The following USH2A variants were observed in gnomAD, a reference collection of about 807,000 sequenced individuals.
The protein encoded by USH2A is usherin.
USH2A carries 443 observed loss-of-function variants against 538.9 expected under a neutral mutation model. The observed-to-expected ratio is 0.82, with a 90% confidence interval of 0.76 to 0.89. The LOEUF is 0.89. Among genes scored for constraint, USH2A ranks in the 40% least tolerant of loss-of-function variants. The probability of loss-of-function intolerance (pLI) is 0.00; values close to 1 mark genes in which losing one functional copy is unlikely to be tolerated. For synonymous variants in USH2A, 2,413 were observed against 2,273.5 expected, an observed-to-expected ratio of 1.06 and a Z score of -1.75; for missense variants, 6,633 against 6,324.8, an observed-to-expected ratio of 1.05 and a Z score of -1.65.
chr1:216,188,276 G>A (rs918212981), intron 20 of USH2A, among the ~76,000 whole-genome samples: 1 of 151,844 alleles, frequency 6.6e-6, no homozygotes, highest in Non-Finnish European at 1.5e-5. Flanking sequence ...ATTCTATTCT[G>A]TAGACATGTT....
chr1:216,229,875 G>A (rs1039270846), intron 14 of USH2A, among the ~76,000 whole-genome samples: 3 of 152,044 alleles, frequency 2.0e-5, no homozygotes, highest in African/African-American at 7.2e-5. Context: ...GGAACAGAAT[G>A]GGGTAAAAGG....
intron 21 of USH2A, among the ~76,000 whole-genome samples, chr1:216,137,750 G>C (rs2033514614): frequency 6.6e-6 from 1 of 152,048 alleles, no homozygotes; most frequent in Admixed American, 6.6e-5. Flanking sequence ...TCAGCCCACT[G>C]ACTCAAATAT....
At chr1:215,849,595 C>A (rs961809374) in intron 44 of USH2A, among the ~76,000 whole-genome samples, 1 of 152,170 alleles carries the variant, frequency 6.6e-6, no homozygotes, top group Non-Finnish European at 1.5e-5. Flanking sequence ...ATAAACCTTA[C>A]CCAAAATGAC....
At chr1:215,909,554 G>T (rs1323166172) in intron 38 of USH2A, among the ~76,000 whole-genome samples, 1 of 151,904 alleles carries the variant, frequency 6.6e-6, no homozygotes, top group African/African-American at 2.4e-5. Flanking sequence ...TGCACCTTCT[G>T]CCCGATGTTG....
At chr1:216,292,859 G>T (rs2037029347) in intron 9 of USH2A, among the ~76,000 whole-genome samples, 1 of 151,964 alleles carries the variant, frequency 6.6e-6, no homozygotes, top group Admixed American at 6.6e-5. Flanking sequence ...TAAATGTAAA[G>T]AAATAAACCA....
intron 58 of USH2A, among the ~76,000 whole-genome samples, chr1:215,748,550 C>T (rs912115133): frequency 9.2e-5 from 14 of 152,152 alleles, no homozygotes; most frequent in Non-Finnish European, 1.9e-4. Flanking sequence ...TTCAGACCTC[C>T]TGGGATTGCA....
intron 48 of USH2A, among the ~76,000 whole-genome samples, chr1:215,814,602 G>A (rs546566159): frequency 7.2e-5 from 11 of 151,988 alleles, no homozygotes; most frequent in Non-Finnish European, 1.3e-4. Flanking sequence ...GAGTGTGGCA[G>A]CTCTCCCCTT....
intron 21 of USH2A, among the ~76,000 whole-genome samples, chr1:216,123,575 T>C (rs2033178808): frequency 7.7e-6 from 1 of 129,922 alleles, no homozygotes; most frequent in Non-Finnish European, 1.7e-5. Context: ...CTCATAAGCT[T>C]TTCCCTTTTT....
chr1:216,385,815 T>G (rs768614085), intron 3 of USH2A, among the ~76,000 whole-genome samples: 3 of 152,196 alleles, frequency 2.0e-5, no homozygotes. Flanking sequence ...GACCAGTCAC[T>G]GTTTGCCATC....
chr1:215,951,853 ATTTTTTATT>A (rs1666925448), intron 37 of USH2A, among the ~76,000 whole-genome samples: 1 of 149,566 alleles, frequency 6.7e-6, no homozygotes, highest in Non-Finnish European at 1.5e-5. Context: ...TATTTTTTTT[ATTTTTTATT>A]TTTTTTATTT....
intron 21 of USH2A, among the ~76,000 whole-genome samples, chr1:216,123,010 A>G (rs1180982146): frequency 6.6e-6 from 1 of 152,198 alleles, no homozygotes; most frequent in Non-Finnish European, 1.5e-5. Context: ...GAAAAGAGCA[A>G]ACTTAATGGG....
At position 215,970,625 on chromosome 1, in the gene USH2A, CA is replaced by C. The variant is rs1201446573; in HGVS notation, c.6956del (p.Leu2319ArgfsTer7). On this transcript the variant is annotated frameshift_variant and splice_region_variant, in exon 36 of 72. Coordinates refer to ENST00000307340, the MANE Select transcript of USH2A (RefSeq NM_206933.4). LOFTEE classifies it high-confidence loss of function. Reference protein sequence around the residue: ...CTAKGCALGPLVENRTLEAPP... With the variant: ...CTAKGCALGPXVENRTLEAPP... ...CTAGAATGTAAATTTAGATACTCAC[CA>C]GTGGGCCCAGAGCACAACCTTTGGC... The C allele has an allele frequency of 6.2e-7, 1 of 1,613,390 alleles. No individual in the cohort carries two copies. The highest frequency in any genetic ancestry group is 8.5e-7 in the Non-Finnish European group (1 of 1,179,674).
chr1:215,797,817 C>T (rs1017162187), intron 50 of USH2A, among the ~76,000 whole-genome samples: 1 of 152,030 alleles, frequency 6.6e-6, no homozygotes, highest in South Asian at 2.1e-4. Flanking sequence ...ATTAACACAG[C>T]ATAGGTCAAG....
intron 61 of USH2A, among the ~76,000 whole-genome samples, chr1:215,704,726 T>C (rs757629938): frequency 2.6e-5 from 4 of 152,206 alleles, no homozygotes; most frequent in Non-Finnish European, 4.4e-5. Flanking sequence ...TTTCCTCTTT[T>C]CTTAGAATGC....
intron 61 of USH2A, among the ~76,000 whole-genome samples, chr1:215,685,898 C>T (rs1200934777): frequency 1.3e-5 from 2 of 152,148 alleles, no homozygotes; most frequent in Non-Finnish European, 2.9e-5. Context: ...ACAGCAAACA[C>T]GTACATGCAG....
intron 41 of USH2A, among the ~76,000 whole-genome samples, chr1:215,885,445 T>C (rs1167519490): frequency 6.6e-6 from 1 of 152,202 alleles, no homozygotes; most frequent in African/African-American, 2.4e-5. Flanking sequence ...TTCATTGAAC[T>C]GTTTTAGGTC....
Position 216,374,708 on chromosome 1 carries a change from C to T in USH2A, c.652-9623G>A, listed in dbSNP as rs972469636. 3.3e-5 allele frequency among the ~76,000 whole-genome samples: 5 copies of T among 152,208 alleles called. No individual in the cohort carries two copies. The East Asian group carries it at 5.8e-4, about 18-fold the overall frequency. On this transcript the variant is annotated intron_variant, in intron 3 of 71. Transcript: ENST00000307340. ...TCAGTGGGATATAATTAATTACTCT[C>T]AATATGTATTTCAGTGCTCAAGTTG...
rs750418422 is a variant in USH2A, at chr1:215,674,307, A to C, written c.13604T>G (p.Met4535Arg). The C allele has an allele frequency of 3.1e-6, 5 of 1,614,152 alleles. No homozygotes were observed. In the Admixed American group the frequency reaches 6.7e-5, roughly 22 times the overall value. The change falls in exon 63 of 72, where the codon ATG becomes AGG. Residue 4535 changes from methionine to arginine, a missense_variant. Physicochemically the swap from Met to Arg is moderately conservative, Grantham distance 91. Coordinates refer to ENST00000307340, the MANE Select transcript of USH2A (RefSeq NM_206933.4). ...CCTGGCCTGCAATTTTGGAGGTTCC[A>C]TCCCTGAGGGTGCTGAGGGGCTGGT... Reference protein sequence around the residue: ...DRTSPSAPSGMEPPKLQARGP... With the variant: ...DRTSPSAPSGREPPKLQARGP...
chr1:215,801,923 A>G (rs1376861535), intron 49 of USH2A, among the ~76,000 whole-genome samples: 2 of 152,176 alleles, frequency 1.3e-5, no homozygotes, highest in Non-Finnish European at 2.9e-5. Context: ...AGACAGACAC[A>G]TAGACCAATG....
Sources: gnomAD v4.1 joint callset for allele counts (sites outside exome capture counted in the v4.1 genomes callset) on GRCh38, gnomAD v4.1.1 for gene constraint, MANE v1.5 for transcripts, NCBI Gene and HGNC (gene_info 2026-07-23, HGNC 2026-07-21) for gene names.